AUTS2: variants seen among roughly 807,000 people sequenced by gnomAD.
AUTS2 encodes autism susceptibility gene 2 protein.
AUTS2 carries 17 observed loss-of-function variants against 112.4 expected under a neutral mutation model. That is an observed-to-expected ratio of 0.15 (90% CI 0.10 to 0.23). AUTS2 has a LOEUF of 0.23. Ranked by LOEUF, AUTS2 falls within the 10% of genes least tolerant of loss-of-function variation. The probability of loss-of-function intolerance (pLI) is 1.00; values close to 1 mark genes in which losing one functional copy is unlikely to be tolerated. For synonymous variants in AUTS2, 751 were observed against 702.7 expected (o/e 1.07, Z -1.09); for missense variants, 1,510 against 1,701.6 (o/e 0.89, Z 1.98).
At chr7:70,712,986 C>T (rs561795930) in intron 6 of AUTS2, among the ~76,000 whole-genome samples, 2 of 152,312 alleles carry the variant, frequency 1.3e-5, no homozygotes, top group East Asian at 3.9e-4. Context: ...ATTTCCAATC[C>T]TTCCACTCTC....
intron 4 of AUTS2, chr7:70,290,891 A>G (rs1788679123): frequency 6.3e-6 from 1 of 158,254 alleles, no homozygotes. Context: ...AAATAAATTT[A>G]AAATAACCGT....
At chr7:70,064,320 C>T (rs914312973) in intron 2 of AUTS2, among the ~76,000 whole-genome samples, 1 of 152,182 alleles carries the variant, frequency 6.6e-6, no homozygotes, top group Non-Finnish European at 1.5e-5. Flanking sequence ...TGCTTTGCTG[C>T]TCACTCTTAT....
intron 4 of AUTS2, among the ~76,000 whole-genome samples, chr7:70,163,108 G>A (rs1808181302): frequency 6.6e-6 from 1 of 151,892 alleles, no homozygotes; most frequent in Admixed American, 6.6e-5. Context: ...AGGGTCAATA[G>A]AGAGGAGTGG....
At chr7:70,591,150 C>G (rs950788280) in intron 5 of AUTS2, among the ~76,000 whole-genome samples, 65 of 118,192 alleles carry the variant, frequency 5.5e-4, no homozygotes, top group Non-Finnish European at 1.9e-4. Context: ...CCCACCCCAC[C>G]TGTCCCCACC....
At chr7:69,733,350 A>T (rs1287761137) in intron 1 of AUTS2, among the ~76,000 whole-genome samples, 1 of 152,204 alleles carries the variant, frequency 6.6e-6, no homozygotes, top group African/African-American at 2.4e-5. Context: ...CTTTAAGTAC[A>T]GGATAAATTT....
chr7:69,707,165 G>A (rs1798096433), intron 1 of AUTS2, among the ~76,000 whole-genome samples: 1 of 152,124 alleles, frequency 6.6e-6, no homozygotes. Context: ...TAAGAGATTA[G>A]CAGTGGGTCC....
chr7:69,854,235 A>G lies in AUTS2; in HGVS notation c.310-45051A>G, dbSNP rs533439323. Among the ~76,000 whole-genome samples, 11 of 152,272 alleles carry G rather than the reference A, an allele frequency of 7.2e-5. No individual in the cohort carries two copies. The South Asian group carries it at 2.3e-3, about 32-fold the overall frequency. On this transcript the variant is annotated intron_variant, in intron 1 of 18. Transcript: ENST00000342771. ...TTCTAAATTCACCCTGTTAGGTATAATTATCTTACTGTGTAGCTGAGGAAA... is the reference window on the plus strand; with the variant it reads ...TTCTAAATTCACCCTGTTAGGTATAGTTATCTTACTGTGTAGCTGAGGAAA...
chr7:69,941,830 A>G (rs190683810), intron 2 of AUTS2, among the ~76,000 whole-genome samples: 3 of 152,188 alleles, frequency 2.0e-5, no homozygotes, highest in Non-Finnish European at 2.9e-5. Context: ...AGGAAAAACA[A>G]TTGGGCCAGA....
intron 4 of AUTS2, among the ~76,000 whole-genome samples, chr7:70,351,853 T>C (rs1347364526): frequency 1.3e-5 from 2 of 152,064 alleles, no homozygotes; most frequent in Middle Eastern, 3.4e-3. Flanking sequence ...AGGTGCCTGC[T>C]AGCACACCCA....
chr7:70,695,665 G>T (rs936887253), intron 5 of AUTS2, among the ~76,000 whole-genome samples: 1 of 152,206 alleles, frequency 6.6e-6, no homozygotes, highest in Admixed American at 6.5e-5. Context: ...CTGCACGCAC[G>T]GCTTTTTATA....
chr7:70,427,591 A>G (rs1253054672), intron 4 of AUTS2, among the ~76,000 whole-genome samples: 3 of 152,104 alleles, frequency 2.0e-5, no homozygotes, highest in African/African-American at 7.2e-5. Flanking sequence ...GACAAAAAGG[A>G]AAAAAAATAT....
intron 1 of AUTS2, among the ~76,000 whole-genome samples, chr7:69,887,580 C>T (rs571894143): frequency 9.7e-4 from 147 of 152,186 alleles, no homozygotes; most frequent in African/African-American, 3.3e-3. Context: ...ACATTGTTCA[C>T]TTAAAGTGAA....
chr7:70,774,401 G>C (rs1338540657), intron 12 of AUTS2: 1 of 353,734 alleles, frequency 2.8e-6, no homozygotes, highest in African/African-American at 2.1e-5. Flanking sequence ...AATCTTCTCT[G>C]TCTGTATCTC....
chr7:70,642,936 G>T (rs1287922883), intron 5 of AUTS2, among the ~76,000 whole-genome samples: 2 of 152,184 alleles, frequency 1.3e-5, no homozygotes, highest in African/African-American at 4.8e-5. Flanking sequence ...ATTTCCACTT[G>T]CCAGGTGAAG....
At chr7:69,615,347 G>A (rs1390690975) in intron 1 of AUTS2, among the ~76,000 whole-genome samples, 1 of 152,086 alleles carries the variant, frequency 6.6e-6, no homozygotes, top group Non-Finnish European at 1.5e-5. Context: ...CTATCGCCCA[G>A]GCTGGAGTGC....
intron 1 of AUTS2, among the ~76,000 whole-genome samples, chr7:69,737,764 A>G (rs546823554): frequency 6.6e-6 from 1 of 152,278 alleles, no homozygotes; most frequent in East Asian, 1.9e-4. Context: ...TGTCATGCAT[A>G]AAAGCCTTGT....
At chr7:70,380,319 G>A (rs755745037) in intron 4 of AUTS2, among the ~76,000 whole-genome samples, 3 of 148,068 alleles carry the variant, frequency 2.0e-5, no homozygotes, top group Non-Finnish European at 3.0e-5. Flanking sequence ...TTCAGTGCAG[G>A]TAGAATTGTT....
intron 10 of AUTS2, among the ~76,000 whole-genome samples, chr7:70,769,867 T>G (rs1219610801): frequency 6.6e-6 from 1 of 151,984 alleles, no homozygotes; most frequent in Non-Finnish European, 1.5e-5. Context: ...GCGCTTCAGG[T>G]TTTTAGTCAG....
chr7:70,649,462 G>A (rs371173277), intron 5 of AUTS2, among the ~76,000 whole-genome samples: 1 of 152,206 alleles, frequency 6.6e-6, no homozygotes. Flanking sequence ...GGACATGGGG[G>A]TCAGGATTTA....
Sources: gnomAD v4.1 joint callset for allele counts (sites outside exome capture counted in the v4.1 genomes callset) on GRCh38, gnomAD v4.1.1 for gene constraint, MANE v1.5 for transcripts, NCBI Gene and HGNC (gene_info 2026-07-23, HGNC 2026-07-21) for gene names.